PDE9A: variants seen among roughly 807,000 people sequenced by gnomAD.
PDE9A encodes the protein phosphodiesterase 9A.
A neutral mutation model predicts 87.4 loss-of-function variants in PDE9A; 60 were observed. That is an observed-to-expected ratio of 0.69 (90% CI 0.56 to 0.85). The LOEUF (loss-of-function observed/expected upper bound fraction) is 0.85. Among genes scored for constraint, PDE9A ranks in the 40% least tolerant of loss-of-function variants. The probability of loss-of-function intolerance (pLI) is 0.00; values close to 1 mark genes in which losing one functional copy is unlikely to be tolerated. For synonymous variants in PDE9A, 272 were observed against 279.4 expected, an observed-to-expected ratio of 0.97 and a Z score of 0.27; for missense variants, 665 against 779.0, an observed-to-expected ratio of 0.85 and a Z score of 1.74.
intron 1 of PDE9A, among the ~76,000 whole-genome samples, chr21:42,670,209 T>A (rs1215153417): frequency 2.9e-5 from 3 of 103,454 alleles, no homozygotes; most frequent in African/African-American, 2.3e-4. Flanking sequence ...ACACATACAC[T>A]TACATTCACA....
chr21:42,682,852 C>A (rs907442442), intron 1 of PDE9A, among the ~76,000 whole-genome samples: 1 of 152,230 alleles, frequency 6.6e-6, no homozygotes, highest in Admixed American at 6.5e-5. Context: ...GTTGCATAAA[C>A]CTTCCCCAAT....
rs1378132179 is a variant in PDE9A, at chr21:42,659,943, CG to C, written c.69+6064del. 1.3e-5 allele frequency among the ~76,000 whole-genome samples: 2 copies of C among 152,180 alleles called. No individual in the cohort carries two copies. Among genetic ancestry groups the C allele is most frequent in the East Asian group, 1.9e-4 (1 of 5,194 alleles). ...ACTGACATGCAAATGAGAGATGAAA[CG>C]GGGACGAGCCGGGCAGCTGATCTCA... is the stretch of plus-strand genomic sequence containing the variant. On this transcript the variant is annotated intron_variant, in intron 1 of 19. Transcript: ENST00000291539. This position sits in a 1 kb window ranked among gnomAD's most constrained non-coding sequence, Gnocchi z 4.1.
At chr21:42,710,025 G>A (rs80227961) in intron 4 of PDE9A, among the ~76,000 whole-genome samples, 1 of 152,174 alleles carries the variant, frequency 6.6e-6, no homozygotes, top group Non-Finnish European at 1.5e-5. Context: ...GGGCATCCTT[G>A]TCCATGATCT....
At chr21:42,688,639 G>A (rs2146204125) in intron 3 of PDE9A, among the ~76,000 whole-genome samples, 1 of 152,354 alleles carries the variant, frequency 6.6e-6, no homozygotes, top group South Asian at 2.1e-4. Context: ...GTTGGGCAAA[G>A]TGGAACTTAG....
chr21:42,669,424 G>C (rs34558899), intron 1 of PDE9A, among the ~76,000 whole-genome samples: 3,519 of 152,260 alleles, frequency 0.023, 67 homozygotes, highest in Middle Eastern at 0.048. Flanking sequence ...ATTTGAATTG[G>C]ATTAACTCAT....
intron 1 of PDE9A, among the ~76,000 whole-genome samples, chr21:42,672,726 C>T (rs1165082658): frequency 6.6e-6 from 1 of 152,216 alleles, no homozygotes; most frequent in African/African-American, 2.4e-5. Context: ...CTTGTTCATC[C>T]GACGCGGTTG....
chr21:42,737,772 C>A (rs1945825781), intron 7 of PDE9A, among the ~76,000 whole-genome samples: 1 of 152,176 alleles, frequency 6.6e-6, no homozygotes, highest in Non-Finnish European at 1.5e-5. Flanking sequence ...TGTTTTCTGC[C>A]TCTTGAGTTA....
At chr21:42,706,518 A>T (rs56287684) in intron 4 of PDE9A, among the ~76,000 whole-genome samples, 4 of 151,916 alleles carry the variant, frequency 2.6e-5, no homozygotes, top group Non-Finnish European at 1.5e-5. Context: ...GGTGGTGCAC[A>T]TCTGTAATCC....
chr21:42,758,876 G>GCC, intron 10 of PDE9A, 123 bp from the exon 11 acceptor site: 1 of 675,216 alleles, frequency 1.5e-6, no homozygotes. Flanking sequence ...TTCTGGGAGG[G>GCC]GGAGAACCCA....
intron 4 of PDE9A, among the ~76,000 whole-genome samples, chr21:42,715,517 C>T (rs1391770469): frequency 6.6e-6 from 1 of 151,628 alleles, no homozygotes; most frequent in East Asian, 1.9e-4. Flanking sequence ...ATGCCAACTA[C>T]TTGGCAGGGG....
rs148046897 is a variant in PDE9A at position 42,699,017 on chromosome 21, G to A, written c.262+6G>A. 2.5e-6 allele frequency: 4 copies of A among 1,603,554 alleles called. No individual in the cohort carries two copies. Among genetic ancestry groups the A allele is most frequent in the East Asian group, 2.2e-5 (1 of 44,820 alleles). On this transcript the variant is annotated splice_donor_region_variant and intron_variant, in intron 4 of 19. Transcript: ENST00000291539. ...GGCCATCAAGCAACTCTCCGGTAAGGCCCTGCTGTCGTTTTTTAAACTAAA... is the reference window on the plus strand; with the variant it reads ...GGCCATCAAGCAACTCTCCGGTAAGACCCTGCTGTCGTTTTTTAAACTAAA...
At chr21:42,703,171 G>A (rs973861609) in intron 4 of PDE9A, among the ~76,000 whole-genome samples, 2 of 152,240 alleles carry the variant, frequency 1.3e-5, no homozygotes, top group Non-Finnish European at 2.9e-5. Context: ...AGCACTGAGC[G>A]CCACGGCCCA....
chr21:42,726,624 A>ATATATATATATATATATTTTTTTTTTTTT, intron 4 of PDE9A, among the ~76,000 whole-genome samples: 1 of 19,780 alleles, frequency 5.1e-5, no homozygotes, highest in Non-Finnish European at 7.5e-5. Flanking sequence ...ATATATATAT[A>ATATATATATATATATATTTTTTTTTTTTT]TTTTTTTTTT....
At chr21:42,754,108 C>T (rs1426984389) in intron 10 of PDE9A, 44 bp downstream of exon 10, 2 of 1,314,622 alleles carry the variant, frequency 1.5e-6, no homozygotes, top group Non-Finnish European at 2.2e-6. Context: ...GGGGAGGCAG[C>T]TCAGGATCTT....
chr21:42,670,684 C>T (rs2058497692), intron 1 of PDE9A, among the ~76,000 whole-genome samples: 1 of 151,112 alleles, frequency 6.6e-6, no homozygotes, highest in Non-Finnish European at 1.5e-5. Flanking sequence ...TGCATTCACA[C>T]ACATGCTCAC....
intron 1 of PDE9A, among the ~76,000 whole-genome samples, chr21:42,683,948 G>A (rs977017784): frequency 9.2e-5 from 14 of 152,182 alleles, no homozygotes; most frequent in African/African-American, 1.2e-4. Flanking sequence ...CATTTGCTGC[G>A]GCCACCCAGG....
At chr21:42,758,915 C>A (rs954063141) in intron 10 of PDE9A, 84 bp from the exon 11 acceptor site, 1 of 1,045,748 alleles carries the variant, frequency 9.6e-7, no homozygotes, top group Admixed American at 1.8e-5. Flanking sequence ...GCTGGCACTC[C>A]GAGGACAGCA....
At chr21:42,724,675 A>C in intron 4 of PDE9A, 82 of 794,546 alleles carry the variant, frequency 1.0e-4, no homozygotes, top group East Asian at 1.3e-4. Flanking sequence ...GAGTGTTCTC[A>C]CTGGGAGCGC....
intron 3 of PDE9A, among the ~76,000 whole-genome samples, chr21:42,691,509 A>G (rs929687495): frequency 4.0e-5 from 6 of 149,714 alleles, no homozygotes; most frequent in Non-Finnish European, 7.4e-5. Context: ...CATCACCATC[A>G]CCATCCAAAG....
Sources: gnomAD v4.1 joint callset for allele counts (sites outside exome capture counted in the v4.1 genomes callset) on GRCh38, gnomAD v4.1.1 for gene constraint, Gnocchi (gnomAD v3.1) non-coding constraint, MANE v1.5 for transcripts, NCBI Gene and HGNC (gene_info 2026-07-23, HGNC 2026-07-21) for gene names.